Variants in KCNIP4 observed in about 807,000 individuals in gnomAD.
The protein encoded by KCNIP4 is potassium voltage-gated channel interacting protein 4.
In KCNIP4, 12 loss-of-function variants were observed where a neutral mutation model predicts 34.0. The ratio of observed to expected loss-of-function variants is 0.35; its 90% CI spans 0.23 to 0.57. KCNIP4 has a LOEUF of 0.57. Ranked by LOEUF, KCNIP4 falls within the 20% of genes least tolerant of loss-of-function variation. The pLI, the probability that KCNIP4 is intolerant of heterozygous loss-of-function variation, is 0.83. For synonymous variants in KCNIP4, 124 were observed against 102.2 expected (o/e 1.21, Z -1.29); for missense variants, 238 against 311.7 (o/e 0.76, Z 1.78).
At chr4:21,918,508 G>A (rs756907588) in intron 1 of KCNIP4, among the ~76,000 whole-genome samples, 1 of 151,736 alleles carries the variant, frequency 6.6e-6, no homozygotes, top group Non-Finnish European at 1.5e-5. Context: ...AGGTGGTCCA[G>A]GCTAGGACTG....
chr4:21,176,480 A>C (rs1214842233), intron 1 of KCNIP4, among the ~76,000 whole-genome samples: 2 of 152,114 alleles, frequency 1.3e-5, no homozygotes, highest in East Asian at 1.9e-4. Flanking sequence ...AAATCACTGG[A>C]TTCTAACATT....
chr4:20,941,012 AGT>A (rs58569423), intron 1 of KCNIP4, among the ~76,000 whole-genome samples: 1 of 152,320 alleles, frequency 6.6e-6, no homozygotes, highest in Non-Finnish European at 1.5e-5. Context: ...TGTGAATAAC[AGT>A]GTTACTCGGT....
chr4:20,952,808 T>G (rs58797738), intron 1 of KCNIP4, among the ~76,000 whole-genome samples: 6,254 of 152,284 alleles, frequency 0.041, 293 homozygotes, highest in African/African-American at 0.11. Context: ...ATAAGTAATT[T>G]ATAAACAACA....
At chr4:21,351,357 T>A (rs140840044) in intron 1 of KCNIP4, among the ~76,000 whole-genome samples, 6 of 151,992 alleles carry the variant, frequency 3.9e-5, no homozygotes, top group African/African-American at 1.5e-4. Flanking sequence ...GTAACTCTCA[T>A]GAGATCAGAT....
intron 1 of KCNIP4, among the ~76,000 whole-genome samples, chr4:20,917,484 G>A (rs1051192884): frequency 1.3e-5 from 2 of 152,150 alleles, no homozygotes; most frequent in Non-Finnish European, 2.9e-5. Context: ...AAGACCAGAC[G>A]TGGTCCTGCC....
intron 2 of KCNIP4, among the ~76,000 whole-genome samples, chr4:20,866,075 C>A (rs1367682118): frequency 6.6e-6 from 1 of 152,066 alleles, no homozygotes; most frequent in Non-Finnish European, 1.5e-5. Context: ...TTCTACCAGA[C>A]ATACTAAGAA....
At chr4:21,070,865 T>C (rs201560378) in intron 1 of KCNIP4, among the ~76,000 whole-genome samples, 3 of 151,448 alleles carry the variant, frequency 2.0e-5, no homozygotes, top group Non-Finnish European at 2.9e-5. Context: ...TTAGTAGAGA[T>C]GGGGTTTCAC....
chr4:21,330,195 G>A (rs1376239819), intron 1 of KCNIP4, among the ~76,000 whole-genome samples: 1 of 152,048 alleles, frequency 6.6e-6, no homozygotes, highest in Non-Finnish European at 1.5e-5. Flanking sequence ...TTGCAGCAGA[G>A]GCATCACGAA....
rs181651450 is a variant in KCNIP4 at position 21,924,850 on chromosome 4, C to T, written c.61+23721G>A. On this transcript the variant is annotated intron_variant, in intron 1 of 8. Coordinates refer to ENST00000382152, the MANE Select transcript of KCNIP4 (RefSeq NM_025221.6). Reference sequence around the variant, plus strand: ...GTCACTCTTCTATAATCTACCACTCCTCCCTGGCCCCCAATTGTTTAAGTT... The same window carrying T: ...GTCACTCTTCTATAATCTACCACTCTTCCCTGGCCCCCAATTGTTTAAGTT... Among the ~76,000 whole-genome samples the T allele has an allele frequency of 3.2e-3, 491 of 152,214 alleles. 3 individuals carry two copies. Among genetic ancestry groups the T allele is most frequent in the African/African-American group, 0.01 (427 of 41,540 alleles).
intron 2 of KCNIP4, among the ~76,000 whole-genome samples, chr4:20,856,849 A>T (rs1721631663): frequency 6.6e-6 from 1 of 152,170 alleles, no homozygotes; most frequent in Non-Finnish European, 1.5e-5. Context: ...AACCTTGTCT[A>T]GACCTAGTGA....
chr4:21,677,512 C>T (rs1254333033), intron 1 of KCNIP4, among the ~76,000 whole-genome samples: 3 of 152,160 alleles, frequency 2.0e-5, no homozygotes, highest in Admixed American at 2.0e-4. Context: ...CTGCCAGTTC[C>T]CTGCAGCCAT....
chr4:21,068,118 A>G (rs535413991), intron 1 of KCNIP4, among the ~76,000 whole-genome samples: 12 of 152,298 alleles, frequency 7.9e-5, no homozygotes, highest in African/African-American at 2.6e-4. Flanking sequence ...AGAATTGATC[A>G]CAATGCTCCA....
chr4:20,737,336 G>A (rs571740896), intron 5 of KCNIP4, among the ~76,000 whole-genome samples: 1 of 152,314 alleles, frequency 6.6e-6, no homozygotes, highest in East Asian at 1.9e-4. Flanking sequence ...CAGCAACATG[G>A]AGGTCACCAG....
intron 3 of KCNIP4, among the ~76,000 whole-genome samples, chr4:20,794,677 T>C (rs1252949421): frequency 6.6e-6 from 1 of 152,204 alleles, no homozygotes; most frequent in Admixed American, 6.5e-5. Flanking sequence ...ATCTGGATTC[T>C]AGTGAAGTTC....
chr4:21,941,179 A>C (rs573023105), intron 1 of KCNIP4, among the ~76,000 whole-genome samples: 1 of 152,336 alleles, frequency 6.6e-6, no homozygotes, highest in East Asian at 1.9e-4. Context: ...CAATATTATC[A>C]TGAAACTCAT....
At chr4:20,925,041 T>A (rs539866594) in intron 1 of KCNIP4, among the ~76,000 whole-genome samples, 1 of 103,934 alleles carries the variant, frequency 9.6e-6, no homozygotes, top group Non-Finnish European at 2.1e-5. Flanking sequence ...TTTTAACAAC[T>A]TTTTTGAAAT....
Position 21,431,852 on chromosome 4 carries a change from GA to G in KCNIP4, c.61+516718del, listed in dbSNP as rs71191503. Among the ~76,000 whole-genome samples, 2,364 of 143,792 alleles carry G rather than the reference GA, an allele frequency of 0.016. 124 individuals carry two copies. The East Asian group carries it at 0.17, about 10-fold the overall frequency. The allele number at this position is 143,792 out of a possible 152,430, so 94.3% of individuals were successfully genotyped here. On this transcript the variant is annotated intron_variant, in intron 1 of 8. Coordinates refer to ENST00000382152, the MANE Select transcript of KCNIP4 (RefSeq NM_025221.6). ...GAAACACAGATAGGGAACATTTTAGGAAAAAAAAAAGTGACTAATGATCTTA... is the reference window on the plus strand; with the variant it reads ...GAAACACAGATAGGGAACATTTTAGGAAAAAAAAAGTGACTAATGATCTTA...
chr4:21,410,474 T>A (rs2109586551), intron 1 of KCNIP4, among the ~76,000 whole-genome samples: 1 of 152,298 alleles, frequency 6.6e-6, no homozygotes, highest in East Asian at 1.9e-4. Context: ...CCAGCTTTCA[T>A]GTTGTGAAGA....
intron 1 of KCNIP4, among the ~76,000 whole-genome samples, chr4:21,028,851 T>C (rs1034551785): frequency 6.6e-6 from 1 of 152,178 alleles, no homozygotes; most frequent in Non-Finnish European, 1.5e-5. Context: ...ATATGATGGA[T>C]GCAAGATCAT....
Sources: gnomAD v4.1 joint callset for allele counts (sites outside exome capture counted in the v4.1 genomes callset) on GRCh38, gnomAD v4.1.1 for gene constraint, MANE v1.5 for transcripts, NCBI Gene and HGNC (gene_info 2026-07-23, HGNC 2026-07-21) for gene names.